The following LGR6 variants were observed in gnomAD, a reference collection of about 807,000 sequenced individuals.
LGR6 encodes the protein leucine-rich repeat-containing G protein-coupled receptor 6.
In LGR6, 45 loss-of-function variants were observed where a neutral mutation model predicts 69.4. The ratio of observed to expected loss-of-function variants is 0.65; its 90% confidence interval spans 0.51 to 0.83. LGR6 has a LOEUF of 0.83. Among genes scored for constraint, LGR6 ranks in the 40% least tolerant of loss-of-function variants. The pLI is 0.00. For synonymous variants in LGR6, 538 were observed against 555.0 expected (o/e 0.97, Z 0.43); for missense variants, 1,108 against 1,246.7 (o/e 0.89, Z 1.68).
At chr1:202,277,526 G>A (rs1472642322) in intron 5 of LGR6, among the ~76,000 whole-genome samples, 1 of 152,062 alleles carries the variant, frequency 6.6e-6, no homozygotes, top group Non-Finnish European at 1.5e-5. Context: ...TGACATCCCC[G>A]TGACATTGTG....
chr1:202,243,168 C>T (rs959675702), intron 4 of LGR6, among the ~76,000 whole-genome samples: 5 of 152,174 alleles, frequency 3.3e-5, no homozygotes, highest in African/African-American at 4.8e-5. Context: ...AGTGGCCCAT[C>T]AGTGGGGCTC....
At chr1:202,254,573 C>G (rs1020600390) in intron 4 of LGR6, among the ~76,000 whole-genome samples, 13 of 152,196 alleles carry the variant, frequency 8.5e-5, no homozygotes, top group African/African-American at 2.7e-4. Context: ...TTCCCCATGC[C>G]AGGTGCTGAT....
rs1200897791 is a variant in LGR6 at position 202,300,930 on chromosome 1, A to G, written c.857+10A>G. ...CTCTGCTACAGACGATGTGAGTACT[A>G]CTTTCTCTGGTCTCTTAATGCCGAA... is the stretch of plus-strand genomic sequence containing the variant. On this transcript the variant is annotated intron_variant, in intron 8 of 17. Coordinates refer to ENST00000367278, the MANE Select transcript of LGR6 (RefSeq NM_001017403.2). The G allele has an allele frequency of 1.9e-6, 3 of 1,604,984 alleles. No homozygotes were observed. The highest frequency in any genetic ancestry group is 2.6e-6 in the Non-Finnish European group (3 of 1,173,426).
Position 202,248,307 on chromosome 1 carries a change from G to A in LGR6, c.428+12314G>A, listed in dbSNP as rs141611136. Among the ~76,000 whole-genome samples the A allele has an allele frequency of 4.4e-3, 671 of 152,338 alleles. 6 individuals are homozygous for A. Among genetic ancestry groups the A allele is most frequent in the African/African-American group, 0.015 (608 of 41,584 alleles). On this transcript the variant is annotated intron_variant, in intron 4 of 17. Coordinates refer to ENST00000367278, the MANE Select transcript of LGR6 (RefSeq NM_001017403.2). ...CTTCCCAGTGTCGCCCAGTGAATCA[G>A]TGGCAGCGCTGCAGCTAGCTGGAAC...
Position 202,318,821 on chromosome 1 carries a change from C to T in LGR6, c.2518C>T (p.Arg840Trp), listed in dbSNP as rs146290853. The T allele has an allele frequency of 3.1e-5, 50 of 1,612,962 alleles. No homozygotes were observed. Among genetic ancestry groups the T allele is most frequent in the African/African-American group, 8.0e-5 (6 of 74,938 alleles). The change falls in exon 18 of 18, where the codon CGG (arginine) becomes TGG (tryptophan). Residue 840 changes from arginine (R) to tryptophan (W), a missense_variant. Physicochemically the swap from Arg to Trp is moderately radical, Grantham distance 101. Transcript: ENST00000367278. ...CCCCCACTTCCGGGATGACCTTCGG[C>T]GGCTTCGGCCCCGCGCAGGGGACTC... ...FNPHFRDDLR[R>W]LRPRAGDSGP...
intron 1 of LGR6, chr1:202,197,419 T>C (rs375878904): frequency 1.6e-4 from 88 of 533,414 alleles, no homozygotes; most frequent in African/African-American, 1.6e-3. Context: ...ATGTCTCTCT[T>C]TTTTGCAACA....
chr1:202,197,281 C>G, intron 1 of LGR6: 1 of 442,452 alleles, frequency 2.3e-6, no homozygotes. Context: ...AGAAAGGCGT[C>G]TTTATAGCCA....
chr1:202,284,823 G>T (rs752427267), intron 6 of LGR6, among the ~76,000 whole-genome samples: 2 of 152,212 alleles, frequency 1.3e-5, no homozygotes, highest in African/African-American at 2.4e-5. Context: ...GAACCCAGGA[G>T]GGGACAGGGC....
intron 4 of LGR6, among the ~76,000 whole-genome samples, chr1:202,260,093 G>A (rs969314095): frequency 3.9e-5 from 6 of 152,126 alleles, no homozygotes; most frequent in East Asian, 3.9e-4. Flanking sequence ...CTGTCGTCCC[G>A]GCTGGAGTGT....
At chr1:202,209,651 T>C (rs1306720494) in intron 1 of LGR6, among the ~76,000 whole-genome samples, 1 of 152,260 alleles carries the variant, frequency 6.6e-6, no homozygotes. Context: ...TATAAAAGAT[T>C]GCTTAAAGGA....
chr1:202,307,932 C>T (rs1446806620), intron 14 of LGR6, among the ~76,000 whole-genome samples: 1 of 152,176 alleles, frequency 6.6e-6, no homozygotes. Context: ...GCCTCTGCTG[C>T]AGCTGCCATG....
At chr1:202,287,769 A>G (rs891007850) in intron 6 of LGR6, among the ~76,000 whole-genome samples, 1 of 152,128 alleles carries the variant, frequency 6.6e-6, no homozygotes, top group African/African-American at 2.4e-5. Context: ...TCTTCCAACT[A>G]TATTAAGAAT....
At chr1:202,267,115 C>T (rs1264044891) in intron 4 of LGR6, among the ~76,000 whole-genome samples, 1 of 152,210 alleles carries the variant, frequency 6.6e-6, no homozygotes, top group East Asian at 1.9e-4. Flanking sequence ...ATGCTGGCCA[C>T]ACTTCAAGAG....
At chr1:202,285,866 A>G (rs1666354641) in intron 6 of LGR6, among the ~76,000 whole-genome samples, 1 of 152,164 alleles carries the variant, frequency 6.6e-6, no homozygotes, top group South Asian at 2.1e-4. Context: ...GTCCAAAATC[A>G]AGGTGTTAGC....
In LGR6 at chr1:202,318,773, C is replaced by G; in HGVS notation, c.2470C>G (p.Pro824Ala). 4 of 1,613,782 alleles carry G rather than the reference C, an allele frequency of 2.5e-6. No individual in the cohort carries two copies. The highest frequency in any genetic ancestry group is 3.4e-6 in the Non-Finnish European group (4 of 1,180,018). ...GCTGCCCCTGCCTGCCTGCCTCAAC[C>G]CACTGCTGTACCTGCTCTTCAACCC... ...VVLPLPACLN[P>A]LLYLLFNPHF... The change falls in exon 18 of 18, where the codon CCA becomes GCA. Residue 824 changes from proline to alanine, a missense_variant. By Grantham distance (27) the Pro-to-Ala change is conservative. Coordinates refer to ENST00000367278, the MANE Select transcript of LGR6 (RefSeq NM_001017403.2).
At chr1:202,216,616 G>T (rs1047934179) in intron 1 of LGR6, among the ~76,000 whole-genome samples, 1 of 151,322 alleles carries the variant, frequency 6.6e-6, no homozygotes, top group Non-Finnish European at 1.5e-5. Context: ...GTCTTGCGTT[G>T]TCTCTCAGAG....
In LGR6 at chr1:202,280,851, CTG is replaced by C. The variant is rs1665946599; in HGVS notation, c.716+2_716+3del. On this transcript the variant is annotated splice_donor_variant and coding_sequence_variant, in exon 6 of 18. Coordinates refer to ENST00000367278, the MANE Select transcript of LGR6 (RefSeq NM_001017403.2). LOFTEE classifies it high-confidence loss of function. ...CGAGGGGCTGCACAATCTGGAGACA[CTG>C]TGAGTTTTGAGGTCTTGGTCAAACT... 2.5e-6 allele frequency: 4 copies of C among 1,613,442 alleles called. No homozygotes were observed. Among genetic ancestry groups the C allele is most frequent in the African/African-American group, 1.3e-5 (1 of 75,038 alleles).
intron 1 of LGR6, 54 bp downstream of exon 1, chr1:202,194,255 C>T: frequency 7.5e-7 from 1 of 1,328,544 alleles, no homozygotes; most frequent in African/African-American, 1.5e-5. Context: ...GGCTAGCGCC[C>T]AGTCCCGGCC....
intron 1 of LGR6, among the ~76,000 whole-genome samples, chr1:202,214,587 C>T (rs188662571): frequency 1.5e-3 from 226 of 152,268 alleles, no homozygotes; most frequent in Non-Finnish European, 1.9e-3. Context: ...GCTGCCAATT[C>T]TTAACTTTGT....
Sources: gnomAD v4.1 joint callset for allele counts (sites outside exome capture counted in the v4.1 genomes callset) on GRCh38, gnomAD v4.1.1 for gene constraint, MANE v1.5 for transcripts, NCBI Gene and HGNC (gene_info 2026-07-23, HGNC 2026-07-21) for gene names.